The following SH3GL2 variants were observed in gnomAD, a reference collection of about 807,000 sequenced individuals.
SH3GL2 encodes SH3 domain containing GRB2 like 2, endophilin A1.
SH3GL2 carries 24 observed loss-of-function variants against 46.0 expected under a neutral mutation model. The observed-to-expected ratio is 0.52, with a 90% CI of 0.38 to 0.73. SH3GL2 has a LOEUF of 0.73. Ranked by LOEUF, SH3GL2 falls within the 30% of genes least tolerant of loss-of-function variation. The probability of loss-of-function intolerance (pLI) is 0.00; values close to 1 mark genes in which losing one functional copy is unlikely to be tolerated. For missense variants in SH3GL2, 413 were observed against 424.2 expected, an observed-to-expected ratio of 0.97 and a Z score of 0.23; for synonymous variants, 196 against 147.1, an observed-to-expected ratio of 1.33 and a Z score of -2.40.
At chr9:17,593,502 A>G (rs116710418) in intron 1 of SH3GL2, among the ~76,000 whole-genome samples, 2 of 152,160 alleles carry the variant, frequency 1.3e-5, no homozygotes, top group Non-Finnish European at 1.5e-5. Context: ...ATTTTGAGGT[A>G]TATATATAAT....
At chr9:17,710,568 T>C (rs1045654457) in intron 1 of SH3GL2, among the ~76,000 whole-genome samples, 3 of 151,956 alleles carry the variant, frequency 2.0e-5, no homozygotes, top group Admixed American at 2.0e-4. Context: ...TCAAAAGAAC[T>C]GAAAGCAGAG....
chr9:17,728,658 A>T (rs564504788), intron 1 of SH3GL2, among the ~76,000 whole-genome samples: 4 of 152,034 alleles, frequency 2.6e-5, no homozygotes, highest in Admixed American at 2.0e-4. Context: ...CCAGTGTGTG[A>T]TGTTCCCCTT....
At chr9:17,585,632 G>C (rs1818361403) in intron 1 of SH3GL2, among the ~76,000 whole-genome samples, 1 of 152,220 alleles carries the variant, frequency 6.6e-6, no homozygotes, top group African/African-American at 2.4e-5. Context: ...GGTGGGAGCA[G>C]AGAGAGCAAG....
intron 6 of SH3GL2, 102 bp from the exon 7 acceptor site, chr9:17,791,115 ACCACCAACCAGGGG>A: frequency 1.4e-6 from 1 of 710,754 alleles, no homozygotes; most frequent in Non-Finnish European, 2.6e-6. Context: ...AGTCATCAGC[ACCACCAACCAGGGG>A]CTGTGTGTTG....
intron 1 of SH3GL2, among the ~76,000 whole-genome samples, chr9:17,738,658 A>AGG (rs1822432550): frequency 7.3e-6 from 1 of 136,438 alleles, no homozygotes; most frequent in African/African-American, 2.6e-5. Context: ...AGAGAGAGAG[A>AGG]GAGAGAGAGA....
intron 2 of SH3GL2, among the ~76,000 whole-genome samples, chr9:17,752,062 A>G (rs907054462): frequency 8.5e-5 from 13 of 152,362 alleles, no homozygotes; most frequent in Non-Finnish European, 1.9e-4. Context: ...ACAGCATTCT[A>G]ATAACCTTGT....
intron 2 of SH3GL2, among the ~76,000 whole-genome samples, chr9:17,751,367 G>C (rs532821923): frequency 6.6e-6 from 1 of 152,230 alleles, no homozygotes; most frequent in East Asian, 1.9e-4. Flanking sequence ...CAGCCCAAGT[G>C]GTAGAGCTAG....
intron 1 of SH3GL2, among the ~76,000 whole-genome samples, chr9:17,711,184 G>T (rs1210368377): frequency 6.6e-6 from 1 of 151,832 alleles, no homozygotes; most frequent in Non-Finnish European, 1.5e-5. Flanking sequence ...AATGTGAGCT[G>T]CTACTGAAGT....
chr9:17,679,595 C>G (rs1233477593), intron 1 of SH3GL2, among the ~76,000 whole-genome samples: 3 of 152,136 alleles, frequency 2.0e-5, no homozygotes, highest in African/African-American at 7.2e-5. Flanking sequence ...TTGACTTCCT[C>G]TTTTCCTAAT....
chr9:17,758,432 C>T (rs1034745801), intron 2 of SH3GL2, among the ~76,000 whole-genome samples: 4 of 151,512 alleles, frequency 2.6e-5, no homozygotes, highest in Admixed American at 6.6e-5. Context: ...CATGGTGGTG[C>T]GTGCCTCTAG....
rs78988244 is a variant in SH3GL2, at chr9:17,782,813, A to G, written c.188-3568A>G. ...AATTCAGTACACAGTGGGGAAGAGC[A>G]AGGAAAAACTGGAAGCCACAGGCAC... On this transcript the variant is annotated intron_variant, in intron 3 of 8. Coordinates refer to ENST00000380607, the MANE Select transcript of SH3GL2 (RefSeq NM_003026.5). Among the ~76,000 whole-genome samples, 72 of 152,302 alleles carry G rather than the reference A, an allele frequency of 4.7e-4. No individual in the cohort carries two copies. In the East Asian group the frequency reaches 0.012, roughly 25 times the overall value.
intron 1 of SH3GL2, among the ~76,000 whole-genome samples, chr9:17,639,344 C>G (rs1819617772): frequency 6.6e-6 from 1 of 152,146 alleles, no homozygotes; most frequent in Non-Finnish European, 1.5e-5. Flanking sequence ...GTGAAGAACT[C>G]TTACACCATA....
chr9:17,720,821 C>T (rs1290581995), intron 1 of SH3GL2, among the ~76,000 whole-genome samples: 1 of 152,078 alleles, frequency 6.6e-6, no homozygotes, highest in Non-Finnish European at 1.5e-5. Flanking sequence ...ACTGGTGGTT[C>T]TTGACTTATG....
At chr9:17,599,171 G>A (rs2134560082) in intron 1 of SH3GL2, among the ~76,000 whole-genome samples, 1 of 152,128 alleles carries the variant, frequency 6.6e-6, no homozygotes, top group East Asian at 1.9e-4. Flanking sequence ...AAAATATGAA[G>A]GTAAAAGAGT....
intron 1 of SH3GL2, among the ~76,000 whole-genome samples, chr9:17,708,592 T>C (rs1352540745): frequency 6.6e-6 from 1 of 152,024 alleles, no homozygotes; most frequent in African/African-American, 2.4e-5. Flanking sequence ...AACTAAATGT[T>C]CTTTAACCAT....
In SH3GL2 at chr9:17,709,900, G is replaced by C. The variant is rs371714814; in HGVS notation, c.46-37166G>C. On this transcript the variant is annotated intron_variant, in intron 1 of 8. Coordinates refer to ENST00000380607, the MANE Select transcript of SH3GL2 (RefSeq NM_003026.5). Reference sequence around the variant, plus strand: ...ATATGCATCCTTTTCTTAAATAGTTGGAAGCCTAGTGAGGGAGATAGAAAT... The same window carrying C: ...ATATGCATCCTTTTCTTAAATAGTTCGAAGCCTAGTGAGGGAGATAGAAAT... Among the ~76,000 whole-genome samples the C allele has an allele frequency of 3.3e-5, 5 of 151,990 alleles. No homozygotes were observed. In the South Asian group the frequency reaches 1.0e-3, roughly 32 times the overall value.
chr9:17,587,388 C>T (rs1235257261), intron 1 of SH3GL2, among the ~76,000 whole-genome samples: 2 of 152,174 alleles, frequency 1.3e-5, no homozygotes, highest in Admixed American at 6.5e-5. Context: ...TCTGGCTCTG[C>T]AATCTGGGAA....
intron 3 of SH3GL2, among the ~76,000 whole-genome samples, chr9:17,775,142 C>G (rs929167197): frequency 3.3e-5 from 5 of 151,242 alleles, no homozygotes; most frequent in African/African-American, 4.9e-5. Context: ...CTTTTTATTT[C>G]TGATTTTAGT....
chr9:17,682,128 C>T (rs769894532), intron 1 of SH3GL2, among the ~76,000 whole-genome samples: 13 of 152,132 alleles, frequency 8.5e-5, no homozygotes, highest in Non-Finnish European at 1.5e-4. Flanking sequence ...TAAATTAGTT[C>T]AACCATTTTG....
Sources: allele counts gnomAD v4.1 joint callset (sites outside exome capture counted in the v4.1 genomes callset), GRCh38; gene constraint gnomAD v4.1.1; transcripts MANE v1.5; gene names NCBI Gene and HGNC (gene_info 2026-07-23, HGNC 2026-07-21).